The following CAST variants were observed in gnomAD, a reference collection of about 807,000 sequenced individuals.
The protein encoded by CAST is MIR583 host.
A neutral mutation model predicts 119.6 loss-of-function variants in CAST; 76 were observed. The ratio of observed to expected loss-of-function variants is 0.64; its 90% CI spans 0.53 to 0.77. The LOEUF is 0.77. CAST is among the 30% of genes least tolerant of loss of function. CAST has a pLI of 0.00. For missense variants in CAST, 953 were observed against 946.5 expected, an observed-to-expected ratio of 1.01 and a Z score of -0.09; for synonymous variants, 319 against 331.6, an observed-to-expected ratio of 0.96 and a Z score of 0.41.
At chr5:96,263,234 CTGTAT>C in the CAST span, among the ~76,000 whole-genome samples, 1 of 152,110 alleles carries the variant, frequency 6.6e-6, no homozygotes. Context: ...TGCCATCTGC[CTGTAT>C]CCCAGAGTTC....
the CAST span, among the ~76,000 whole-genome samples, chr5:96,208,464 A>G: frequency 1.3e-5 from 2 of 151,762 alleles, no homozygotes; most frequent in African/African-American, 4.8e-5. Flanking sequence ...TGGGTGTTTG[A>G]TGTTATAAAC....
chr5:96,257,613 C>T, the CAST span, among the ~76,000 whole-genome samples: 3 of 152,198 alleles, frequency 2.0e-5, no homozygotes, highest in African/African-American at 7.2e-5. Flanking sequence ...AAGACATTCT[C>T]ATGAGCCTTC....
intron 1 of CAST, among the ~76,000 whole-genome samples, chr5:96,580,966 G>A (rs942738771): frequency 1.3e-5 from 2 of 152,240 alleles, no homozygotes; most frequent in Non-Finnish European, 2.9e-5. Context: ...GACACAATGA[G>A]AAGGCACCAT....
intron 1 of CAST, among the ~76,000 whole-genome samples, chr5:96,611,984 A>C (rs1476691568): frequency 6.6e-6 from 1 of 152,216 alleles, no homozygotes; most frequent in Non-Finnish European, 1.5e-5. Flanking sequence ...ACACCTATAC[A>C]CTGTCGATGG....
In CAST at chr5:96,588,196, C is replaced by CTTTTTTT. The variant is rs140665192; in HGVS notation, c.60+58334_60+58340dup. Among the ~76,000 whole-genome samples, 342 of 75,844 alleles carry CTTTTTTT rather than the reference C, an allele frequency of 4.5e-3. 17 individuals carry two copies. Among genetic ancestry groups the CTTTTTTT allele is most frequent in the African/African-American group, 0.011 (171 of 16,030 alleles). The allele number at this position is 75,844 out of a possible 152,430, so 49.8% of individuals were successfully genotyped here. On this transcript the variant is annotated intron_variant, in intron 1 of 11. Transcript: ENST00000505143. ...TATTATTTTCTTTCTTTCTTTCTTT[C>CTTTTTTT]TTTTTTTTTTTTTTTTTTTTTTTTG...
At chr5:96,056,521 G>GA in the CAST span, among the ~76,000 whole-genome samples, 1 of 152,134 alleles carries the variant, frequency 6.6e-6, no homozygotes, top group Non-Finnish European at 1.5e-5. Context: ...GAGTTCTTGA[G>GA]AAAGAGTTTG....
intron 2 of CAST, among the ~76,000 whole-genome samples, chr5:96,677,988 T>A (rs2150253810): frequency 6.6e-6 from 1 of 152,226 alleles, no homozygotes; most frequent in South Asian, 2.1e-4. Flanking sequence ...TGCAAATAAG[T>A]CATTAATGAG....
chr5:96,225,901 C>T, the CAST span, among the ~76,000 whole-genome samples: 1 of 152,156 alleles, frequency 6.6e-6, no homozygotes, highest in Non-Finnish European at 1.5e-5. Context: ...CACCATTCTT[C>T]TTCTCCTTTT....
the CAST span, among the ~76,000 whole-genome samples, chr5:96,281,194 T>C: frequency 6.6e-6 from 1 of 152,230 alleles, no homozygotes; most frequent in African/African-American, 2.4e-5. Flanking sequence ...TCTGGACTTT[T>C]ATTGTTGTTG....
At chr5:95,998,100 A>G in the CAST span, among the ~76,000 whole-genome samples, 7 of 151,164 alleles carry the variant, frequency 4.6e-5, no homozygotes, top group African/African-American at 1.7e-4. Context: ...GGTTATATAT[A>G]GGGCAATGAT....
At chr5:96,575,442 A>C (rs1351144229) in intron 1 of CAST, among the ~76,000 whole-genome samples, 1 of 152,128 alleles carries the variant, frequency 6.6e-6, no homozygotes, top group East Asian at 1.9e-4. Flanking sequence ...TATGTTGAGT[A>C]AGAATGGACA....
At chr5:96,710,577 C>T (rs1265679337) in intron 3 of CAST, among the ~76,000 whole-genome samples, 1 of 152,114 alleles carries the variant, frequency 6.6e-6, no homozygotes, top group African/African-American at 2.4e-5. Context: ...ATGTCAAGAA[C>T]CACTGAGCTA....
At chr5:96,733,429 TAC>T (rs1450734629) in intron 9 of CAST, among the ~76,000 whole-genome samples, 2 of 152,220 alleles carry the variant, frequency 1.3e-5, no homozygotes, top group African/African-American at 4.8e-5. Context: ...AATCAAAATT[TAC>T]AGTTTTGAGC....
chr5:96,658,171 C>A (rs979474335), upstream of CAST, among the ~76,000 whole-genome samples: 10 of 152,112 alleles, frequency 6.6e-5, no homozygotes, highest in Admixed American at 2.6e-4. Flanking sequence ...GACGAACTTG[C>A]ACCTATCCCA....
the CAST span, among the ~76,000 whole-genome samples, chr5:96,328,446 A>G: frequency 2.8e-5 from 4 of 145,292 alleles, no homozygotes; most frequent in South Asian, 8.7e-4. Flanking sequence ...TGACATGGCT[A>G]TAGAACTGAA....
the CAST span, among the ~76,000 whole-genome samples, chr5:96,466,488 G>A: frequency 2.0e-5 from 3 of 151,964 alleles, no homozygotes; most frequent in African/African-American, 7.2e-5. Context: ...TCGGTCCCTC[G>A]TGCTTGCCAC....
At chr5:96,466,398 A>G in the CAST span, among the ~76,000 whole-genome samples, 3 of 152,170 alleles carry the variant, frequency 2.0e-5, no homozygotes, top group African/African-American at 7.2e-5. Flanking sequence ...TGAGTGTGAA[A>G]CATGACCATG....
At chr5:96,411,040 T>C in the CAST span, 1 of 1,247,032 alleles carries the variant, frequency 8.0e-7, no homozygotes, top group Non-Finnish European at 1.2e-6. Flanking sequence ...GGGGTCATTG[T>C]TATATCCCAA....
chr5:96,121,429 T>C, the CAST span, among the ~76,000 whole-genome samples: 2 of 151,752 alleles, frequency 1.3e-5, no homozygotes, highest in East Asian at 3.9e-4. Context: ...AAGTGTTTTG[T>C]AATAATCATA....
Sources: gnomAD v4.1 joint callset for allele counts (sites outside exome capture counted in the v4.1 genomes callset) on GRCh38, gnomAD v4.1.1 for gene constraint, MANE v1.5 for transcripts, NCBI Gene and HGNC (gene_info 2026-07-23, HGNC 2026-07-21) for gene names.